MYH13: variants seen among roughly 807,000 people sequenced by gnomAD.
MYH13 encodes the protein myosin-13.
MYH13 carries 177 observed loss-of-function variants against 232.1 expected under a neutral mutation model. The ratio of observed to expected loss-of-function variants is 0.76; its 90% confidence interval spans 0.67 to 0.86. The LOEUF is 0.86. Among genes scored for constraint, MYH13 ranks in the 40% least tolerant of loss-of-function variants. MYH13 has a pLI of 0.00. For synonymous variants in MYH13, 884 were observed against 923.5 expected (o/e 0.96, Z 0.78); for missense variants, 2,246 against 2,405.9 (o/e 0.93, Z 1.39).
At chr17:10,324,487 C>A (rs1259612336) in intron 22 of MYH13, among the ~76,000 whole-genome samples, 1 of 152,124 alleles carries the variant, frequency 6.6e-6, no homozygotes. Flanking sequence ...TCTCTGTGGC[C>A]CAGGCTGGAG....
Position 10,333,137 on chromosome 17 carries a change from T to A in MYH13, c.2111A>T (p.Glu704Val). The part of the protein sequence containing the change: ...MHQLRCNGVL[E>V]GIRICRKGFP... Reference sequence around the variant, plus strand: ...TCCCTTCCTGCAAATCCGGATGCCCTCGAGGACCCCGTTACAGCGCAGCTG... The same window carrying A: ...TCCCTTCCTGCAAATCCGGATGCCCACGAGGACCCCGTTACAGCGCAGCTG... Residue 704 changes from glutamate to valine, a missense_variant, in exon 19 of 41, where the codon GAG (glutamate) becomes GTG (valine). Transcript: ENST00000252172. 6.4e-7 allele frequency: 1 copy of A among 1,551,898 alleles called. No individual in the cohort carries two copies. Among genetic ancestry groups the A allele is most frequent in the Non-Finnish European group, 8.7e-7 (1 of 1,147,084 alleles).
rs960040117 is a variant in MYH13, at chr17:10,303,142, G to T, written c.5667+54C>A. 8 of 1,523,200 alleles carry T rather than the reference G, an allele frequency of 5.3e-6. No homozygotes were observed. In the African/African-American group the frequency reaches 9.6e-5, roughly 18 times the overall value. 94.4% of individuals were successfully genotyped at this position (1,523,200 alleles called of 1,614,324 possible). A position where few individuals can be genotyped will look rare whatever the true frequency, so the allele number is the denominator to read the frequency against. Reference sequence around the variant, plus strand: ...CAACCAGGATGGCGGGGACACCCAGGATGCCCCAGGGACTGTCTGTCTGTG... The same window carrying T: ...CAACCAGGATGGCGGGGACACCCAGTATGCCCCAGGGACTGTCTGTCTGTG... On this transcript the variant is annotated intron_variant, in intron 39 of 40. Transcript: ENST00000252172.
chr17:10,353,162 G>A (rs1253039119), intron 11 of MYH13, among the ~76,000 whole-genome samples: 1 of 152,180 alleles, frequency 6.6e-6, no homozygotes, highest in African/African-American at 2.4e-5. Flanking sequence ...TCCTTTTTCT[G>A]CCTATAAATA....
chr17:10,368,708 C>T (rs2071856291), intron 2 of MYH13, among the ~76,000 whole-genome samples: 1 of 152,174 alleles, frequency 6.6e-6, no homozygotes, highest in African/African-American at 2.4e-5. Flanking sequence ...GAGTTTTAGC[C>T]TCAAGTGCCT....
At chr17:10,331,843 C>G (rs939877511) in intron 20 of MYH13, among the ~76,000 whole-genome samples, 1 of 152,184 alleles carries the variant, frequency 6.6e-6, no homozygotes, top group African/African-American at 2.4e-5. Flanking sequence ...ACCTCTGGGA[C>G]ACTAGAGTTC....
intron 18 of MYH13, among the ~76,000 whole-genome samples, chr17:10,337,394 C>T (rs1000528314): frequency 5.9e-5 from 9 of 152,102 alleles, no homozygotes; most frequent in African/African-American, 1.4e-4. Flanking sequence ...AGCCTGCTCC[C>T]GAGGGGCCCT....
chr17:10,309,699 C>G lies in MYH13; in HGVS notation c.4788G>C (p.Arg1596=), dbSNP rs1409876383. 6.2e-7 allele frequency: 1 copy of G among 1,607,466 alleles called. No individual in the cohort carries two copies. Among genetic ancestry groups the G allele is most frequent in the South Asian group, 1.1e-5 (1 of 89,734 alleles). Residue 1596 remains arginine, a synonymous_variant, in exon 34 of 41, where the codon CGG becomes CGC. Transcript: ENST00000252172. ...EIEQLKRNSQ[R]AAEALQSVLD... is the part of the protein sequence containing the mutation. ...GCACGCTCTGCAGGGCCTCTGCTGC[C>G]CGCTGGCTGTTTCTTTTTAGCTGCT...
intron 32 of MYH13, 138 bp from the exon 33 acceptor site, chr17:10,311,365 G>T (rs944895077): frequency 1.8e-4 from 191 of 1,065,212 alleles, no homozygotes; most frequent in Admixed American, 3.7e-4. Flanking sequence ...GTTCAGATGA[G>T]GTGTTGGCAA....
chr17:10,366,543 G>T (rs1597391260), intron 2 of MYH13, among the ~76,000 whole-genome samples: 1 of 151,860 alleles, frequency 6.6e-6, no homozygotes, highest in Middle Eastern at 3.4e-3. Flanking sequence ...ACCACACCCG[G>T]CTAATTTTTG....
intron 1 of MYH13, among the ~76,000 whole-genome samples, chr17:10,371,653 A>G (rs1439411802): frequency 1.3e-5 from 2 of 152,162 alleles, no homozygotes; most frequent in East Asian, 1.9e-4. Flanking sequence ...TAAACAAAGT[A>G]CTATGGGAAC....
chr17:10,352,749 C>T (rs2071720063), intron 11 of MYH13, among the ~76,000 whole-genome samples: 2 of 152,146 alleles, frequency 1.3e-5, no homozygotes, highest in Non-Finnish European at 2.9e-5. Context: ...TTGTAGCAGT[C>T]ATTAGCCTGG....
intron 22 of MYH13, among the ~76,000 whole-genome samples, chr17:10,324,548 C>T (rs1014971682): frequency 2.6e-5 from 4 of 152,050 alleles, no homozygotes; most frequent in Non-Finnish European, 4.4e-5. Flanking sequence ...CAGGTTCTAG[C>T]GATTCCCTGC....
rs1907431428 is a variant in MYH13 at position 10,332,202 on chromosome 17, C to A, written c.2195G>T (p.Ser732Ile). 4 of 1,614,000 alleles carry A rather than the reference C, an allele frequency of 2.5e-6. No individual in the cohort carries two copies. Among genetic ancestry groups the A allele is most frequent in the Non-Finnish European group, 3.4e-6 (4 of 1,179,874 alleles). Residue 732 changes from serine (S) to isoleucine (I), a missense_variant, in exon 20 of 41, where the codon AGT becomes ATT. Coordinates refer to ENST00000252172, the MANE Select transcript of MYH13 (RefSeq NM_003802.3). ...FKQRYRILNA[S>I]AIPEGQFIDS... ...AATGAACTGCCCTTCAGGGATAGCA[C>A]TGGCATTGAGGATCCGGTACCTAAG...
At chr17:10,336,246 A>G (rs1192542459) in intron 18 of MYH13, among the ~76,000 whole-genome samples, 1 of 152,114 alleles carries the variant, frequency 6.6e-6, no homozygotes, top group African/African-American at 2.4e-5. Context: ...GATGTTTTCT[A>G]TCAGGTCCAC....
chr17:10,355,407 A>G (rs2071741552), intron 8 of MYH13, among the ~76,000 whole-genome samples: 1 of 152,158 alleles, frequency 6.6e-6, no homozygotes, highest in South Asian at 2.1e-4. Context: ...GTATCCCTGG[A>G]TTTCAGTTTT....
intron 33 of MYH13, among the ~76,000 whole-genome samples, chr17:10,310,404 T>G (rs1303849680): frequency 1.3e-5 from 2 of 152,122 alleles, no homozygotes; most frequent in Admixed American, 6.5e-5. Context: ...CAAATAGGTA[T>G]TCTTATACCC....
chr17:10,305,658 G>A (rs1007385256), intron 37 of MYH13, among the ~76,000 whole-genome samples: 17 of 152,062 alleles, frequency 1.1e-4, no homozygotes, highest in African/African-American at 2.4e-4. Context: ...AGCCTCCTCC[G>A]CAGAGCCCTC....
chr17:10,315,854 C>T, intron 28 of MYH13, 43 bp from the exon 29 acceptor site: 1 of 1,613,900 alleles, frequency 6.2e-7, no homozygotes, highest in Non-Finnish European at 8.5e-7. Flanking sequence ...TACTGACCAC[C>T]CTCTCCCATG....
intron 27 of MYH13, among the ~76,000 whole-genome samples, chr17:10,316,397 G>T (rs1906714000): frequency 6.6e-6 from 1 of 152,036 alleles, no homozygotes; most frequent in African/African-American, 2.4e-5. Context: ...GGAGGCGGAG[G>T]TTGCAGTGAG....
Sources: gnomAD v4.1 joint callset for allele counts (sites outside exome capture counted in the v4.1 genomes callset) on GRCh38, gnomAD v4.1.1 for gene constraint, MANE v1.5 for transcripts, NCBI Gene and HGNC (gene_info 2026-07-23, HGNC 2026-07-21) for gene names.